Variants in TENM2 observed in about 807,000 individuals in gnomAD.
The protein encoded by TENM2 is teneurin-2.
TENM2 carries 52 observed loss-of-function variants against 245.2 expected under a neutral mutation model. That is an observed-to-expected ratio of 0.21 (90% CI 0.17 to 0.27). The LOEUF is 0.27. Among genes scored for constraint, TENM2 ranks in the 10% least tolerant of loss-of-function variants. The probability of loss-of-function intolerance (pLI) is 1.00; values close to 1 mark genes in which losing one functional copy is unlikely to be tolerated. For synonymous variants in TENM2, 1,363 were observed against 1,438.9 expected, an observed-to-expected ratio of 0.95 and a Z score of 1.19; for missense variants, 3,046 against 3,666.8, an observed-to-expected ratio of 0.83 and a Z score of 4.37.
intron 2 of TENM2, among the ~76,000 whole-genome samples, chr5:167,599,419 A>G (rs1030985286): frequency 7.9e-5 from 12 of 152,226 alleles, no homozygotes; most frequent in Admixed American, 6.5e-5. Context: ...ATAACTCTCA[A>G]GTGCTGTTTC....
chr5:167,075,136 C>T, the TENM2 span, among the ~76,000 whole-genome samples: 1 of 152,112 alleles, frequency 6.6e-6, no homozygotes, highest in South Asian at 2.1e-4. Context: ...AAGACTCTGG[C>T]ATATCCTATG....
the TENM2 span, among the ~76,000 whole-genome samples, chr5:167,011,957 C>T: frequency 1.3e-5 from 2 of 150,738 alleles, no homozygotes; most frequent in African/African-American, 4.9e-5. Flanking sequence ...GGTTGATGGT[C>T]ATGAAACCCT....
intron 7 of TENM2, among the ~76,000 whole-genome samples, chr5:168,084,526 A>T (rs2569043): frequency 0.023 from 3,503 of 152,292 alleles, 147 homozygotes; most frequent in African/African-American, 0.08. Flanking sequence ...TAGTCAGGGA[A>T]GCCCTCTCTT....
the TENM2 span, among the ~76,000 whole-genome samples, chr5:166,983,391 C>T: frequency 2.6e-5 from 4 of 152,018 alleles, no homozygotes. Context: ...TTCACTGGCC[C>T]ACCTCTCCTA....
At chr5:167,303,083 TGA>T (rs1755443268) in intron 1 of TENM2, 1 of 153,006 alleles carries the variant, frequency 6.5e-6, no homozygotes, top group African/African-American at 2.4e-5. Context: ...TGACGGTTAG[TGA>T]GAGAGGTTGG....
At chr5:167,667,431 A>T (rs1755647383) in intron 2 of TENM2, among the ~76,000 whole-genome samples, 1 of 152,114 alleles carries the variant, frequency 6.6e-6, no homozygotes, top group Non-Finnish European at 1.5e-5. Context: ...GAATCACTCA[A>T]ATTTCTCTCA....
At chr5:167,458,288 A>C (rs1328148461) in intron 2 of TENM2, among the ~76,000 whole-genome samples, 1 of 145,452 alleles carries the variant, frequency 6.9e-6, no homozygotes, top group Admixed American at 7.0e-5. Flanking sequence ...GGAGTTCGAG[A>C]CCAGCTTGGG....
intron 5 of TENM2, among the ~76,000 whole-genome samples, chr5:168,036,689 A>ATATATATATGTATGTG (rs1787719919): frequency 1.1e-4 from 13 of 117,758 alleles, no homozygotes; most frequent in African/African-American, 4.6e-4. Context: ...ATATATATAT[A>ATATATATATGTATGTG]TATATATATA....
chr5:167,439,414 G>C (rs2127457402), intron 2 of TENM2, among the ~76,000 whole-genome samples: 1 of 152,272 alleles, frequency 6.6e-6, no homozygotes, highest in Middle Eastern at 3.4e-3. Context: ...AAATTCAGTG[G>C]TGTAAACATC....
intron 5 of TENM2, among the ~76,000 whole-genome samples, chr5:168,023,003 A>G (rs971705289): frequency 3.9e-5 from 6 of 152,148 alleles, no homozygotes; most frequent in African/African-American, 1.2e-4. Context: ...TCTCTAAGCA[A>G]TGGAAGAAGT....
At chr5:167,237,020 A>G in the TENM2 span, among the ~76,000 whole-genome samples, 77 of 152,170 alleles carry the variant, frequency 5.1e-4, no homozygotes, top group Admixed American at 2.0e-3. Flanking sequence ...TTAGGTGCAG[A>G]TGGCATCTTG....
chr5:167,254,036 C>T, the TENM2 span, among the ~76,000 whole-genome samples: 249 of 152,084 alleles, frequency 1.6e-3, 2 homozygotes, highest in Admixed American at 5.3e-3. Flanking sequence ...TTTGCTCTCA[C>T]CGAGATATTT....
chr5:167,750,196 G>T (rs1181082690), intron 2 of TENM2, among the ~76,000 whole-genome samples: 1 of 152,128 alleles, frequency 6.6e-6, no homozygotes, highest in East Asian at 1.9e-4. Flanking sequence ...CAGTAGAGGA[G>T]CTGGCACACA....
chr5:167,313,504 G>T (rs1281007025), intron 1 of TENM2, among the ~76,000 whole-genome samples: 1 of 152,160 alleles, frequency 6.6e-6, no homozygotes, highest in Non-Finnish European at 1.5e-5. Context: ...GGGTGTGGTG[G>T]TGTGTGCCTG....
At chr5:167,494,856 C>T (rs558669074) in intron 2 of TENM2, among the ~76,000 whole-genome samples, 1 of 152,006 alleles carries the variant, frequency 6.6e-6, no homozygotes, top group South Asian at 2.1e-4. Flanking sequence ...ATAAGAAAAA[C>T]CTAATATATT....
intron 2 of TENM2, among the ~76,000 whole-genome samples, chr5:167,397,261 G>C (rs80056486): frequency 0.011 from 1,728 of 151,962 alleles, 92 homozygotes; most frequent in Admixed American, 0.097. Context: ...AAAGGAAAGA[G>C]AAAGGAAAAT....
chr5:167,377,218 T>C (rs1448297707), intron 2 of TENM2, among the ~76,000 whole-genome samples: 1 of 152,212 alleles, frequency 6.6e-6, no homozygotes, highest in Non-Finnish European at 1.5e-5. Flanking sequence ...GTTTCATTTT[T>C]TTCATATTAT....
the TENM2 span, among the ~76,000 whole-genome samples, chr5:167,045,322 A>G: frequency 6.6e-6 from 1 of 152,174 alleles, no homozygotes; most frequent in African/African-American, 2.4e-5. Context: ...CCTAAACACC[A>G]TTCTTGAGCC....
chr5:167,754,230 C>T (rs1029174142), intron 2 of TENM2, among the ~76,000 whole-genome samples: 18 of 152,084 alleles, frequency 1.2e-4, no homozygotes, highest in African/African-American at 3.9e-4. Context: ...TTTATTGGCC[C>T]TTTGCACGTT....
Sources: allele counts gnomAD v4.1 joint callset (sites outside exome capture counted in the v4.1 genomes callset), GRCh38; gene constraint gnomAD v4.1.1; transcripts MANE v1.5; gene names NCBI Gene and HGNC (gene_info 2026-07-23, HGNC 2026-07-21).